Variants in SPTLC1 observed in about 807,000 individuals in gnomAD.
SPTLC1 encodes serine palmitoyltransferase 1.
SPTLC1 carries 55 observed loss-of-function variants against 68.9 expected under a neutral mutation model. That is an observed-to-expected ratio of 0.80 (90% CI 0.64 to 1.00). The LOEUF (loss-of-function observed/expected upper bound fraction) is 1.00. Among genes scored for constraint, SPTLC1 ranks in the 50% least tolerant of loss-of-function variants. The pLI, the probability that SPTLC1 is intolerant of heterozygous loss-of-function variation, is 0.00. For synonymous variants in SPTLC1, 197 were observed against 201.6 expected (o/e 0.98, Z 0.19); for missense variants, 449 against 573.1 (o/e 0.78, Z 2.21).
At chr9:92,048,380 A>G (rs111732849) in intron 9 of SPTLC1, among the ~76,000 whole-genome samples, 15 of 152,368 alleles carry the variant, frequency 9.8e-5, no homozygotes, top group African/African-American at 3.4e-4. Flanking sequence ...TGGCCATGTT[A>G]ATGGATTGTC....
chr9:92,056,160 T>C (rs554843612), intron 7 of SPTLC1, among the ~76,000 whole-genome samples: 4 of 152,318 alleles, frequency 2.6e-5, no homozygotes, highest in Admixed American at 6.5e-5. Flanking sequence ...TCCCCACTGA[T>C]GTATTATCGG....
Position 92,079,526 on chromosome 9 carries a change from T to C in SPTLC1, c.427+490A>G, listed in dbSNP as rs1268632929. 2.5e-6 allele frequency: 4 copies of C among 1,613,828 alleles called. No homozygotes were observed. In the African/African-American group the frequency reaches 4.0e-5, roughly 16 times the overall value. On this transcript the variant is annotated intron_variant, in intron 5 of 14. Transcript: ENST00000262554. Reference sequence around the variant, plus strand: ...AATATTTAGTTGGCCTGTTCCCGGATTATCCATACACAAGGAAATCAATGA... The same window carrying C: ...AATATTTAGTTGGCCTGTTCCCGGACTATCCATACACAAGGAAATCAATGA...
Position 92,047,226 on chromosome 9 carries a change from G to A in SPTLC1, c.1027C>T (p.Pro343Ser). The A allele has an allele frequency of 6.2e-7, 1 of 1,614,128 alleles. No individual in the cohort carries two copies. Among genetic ancestry groups the A allele is most frequent in the Non-Finnish European group, 8.5e-7 (1 of 1,179,996 alleles). Reference sequence around the variant, plus strand: ...TCAATTGCTGCAGCAGCTAACAGGGGAGGTAACGAAGCTGAAAAGCAGTAT... The same window carrying A: ...TCAATTGCTGCAGCAGCTAACAGGGAAGGTAACGAAGCTGAAAAGCAGTAT... ...QGYCFSASLP[P>S]LLAAAAIEAL... is the part of the protein sequence containing the mutation. Residue 343 changes from proline (P) to serine (S), a missense_variant, in exon 11 of 15, where the codon CCC (proline) becomes TCC (serine). Pro to Ser is a moderately conservative substitution (Grantham distance 74, BLOSUM62 -1). Around this residue, in one of 3 missense-constraint regions of SPTLC1, gnomAD observed 391 missense variants for 472.1 expected, o/e 0.83. Transcript: ENST00000262554.
At chr9:92,045,423 C>G (rs1348634261) in intron 12 of SPTLC1, among the ~76,000 whole-genome samples, 2 of 144,668 alleles carry the variant, frequency 1.4e-5, no homozygotes, top group African/African-American at 2.6e-5. Context: ...GTGCAGCACA[C>G]CAGCATGGCA....
chr9:92,038,467 A>G, intron 12 of SPTLC1, 102 bp from the exon 13 acceptor site: 1 of 830,874 alleles, frequency 1.2e-6, no homozygotes, highest in East Asian at 2.4e-5. Context: ...GGCACAGTGA[A>G]CGTACAGAAG....
At chr9:92,053,705 G>T (rs1264234624) in intron 8 of SPTLC1, among the ~76,000 whole-genome samples, 1 of 152,214 alleles carries the variant, frequency 6.6e-6, no homozygotes, top group Non-Finnish European at 1.5e-5. Context: ...GAAATAACCA[G>T]AAAAGGTAAA....
chr9:92,094,226 C>T (rs541543356), intron 3 of SPTLC1, among the ~76,000 whole-genome samples: 209 of 152,198 alleles, frequency 1.4e-3, no homozygotes, highest in African/African-American at 4.8e-3. Context: ...AGTTAACAGA[C>T]GGGTGATAGA....
At chr9:92,069,900 A>G (rs2118610240) in intron 5 of SPTLC1, among the ~76,000 whole-genome samples, 1 of 152,372 alleles carries the variant, frequency 6.6e-6, no homozygotes, top group East Asian at 1.9e-4. Context: ...AAGGGATTTT[A>G]AATCATTCTG....
intron 8 of SPTLC1, 156 bp from the exon 9 acceptor site, chr9:92,050,223 A>G: frequency 1.6e-6 from 1 of 620,688 alleles, no homozygotes. Context: ...CTTATTTGCA[A>G]CCTCCATATC....
chr9:92,040,773 A>G (rs987535329), intron 12 of SPTLC1, among the ~76,000 whole-genome samples: 8 of 152,084 alleles, frequency 5.3e-5, no homozygotes, highest in Admixed American at 1.3e-4. Context: ...AAAAAAAAAA[A>G]AAAAGAAAAG....
chr9:92,094,190 G>A (rs543224003), intron 3 of SPTLC1, among the ~76,000 whole-genome samples: 1 of 152,232 alleles, frequency 6.6e-6, no homozygotes, highest in East Asian at 1.9e-4. Flanking sequence ...TAAGAAATTT[G>A]GTTCAACGAA....
At chr9:92,040,847 A>G (rs1243013251) in intron 12 of SPTLC1, among the ~76,000 whole-genome samples, 3 of 152,156 alleles carry the variant, frequency 2.0e-5, no homozygotes, top group Non-Finnish European at 4.4e-5. Context: ...CTCATTTCAC[A>G]TGCTAGTGAG....
In SPTLC1 at chr9:92,115,401, A is replaced by C; in HGVS notation, c.-31T>G. The C allele has an allele frequency of 1.2e-6, 2 of 1,611,448 alleles. No homozygotes were observed. The highest frequency in any genetic ancestry group is 1.7e-6 in the Non-Finnish European group (2 of 1,178,410). On this transcript the variant is annotated 5_prime_UTR_variant, in exon 1 of 15. Transcript: ENST00000262554. The stretch of plus-strand genomic sequence containing the variant: ...GCCGCTTCCTTCCGGAAGGCGGGTC[A>C]CAAGCGCGTCCCAAAAGTGCGCGTC...
At chr9:92,054,046 C>T (rs923624445) in intron 8 of SPTLC1, 1 of 766,590 alleles carries the variant, frequency 1.3e-6, no homozygotes, top group Admixed American at 6.2e-5. Flanking sequence ...CTTTGGGAGG[C>T]CAAGGAGGGT....
chr9:92,103,293 A>C (rs1835824393), intron 3 of SPTLC1, among the ~76,000 whole-genome samples: 1 of 152,228 alleles, frequency 6.6e-6, no homozygotes, highest in Non-Finnish European at 1.5e-5. Flanking sequence ...TTCCTGCCCT[A>C]CATCTTTGTA....
intron 1 of SPTLC1, among the ~76,000 whole-genome samples, chr9:92,114,771 ACTAAACTAGTTGTAT>A (rs1259625337): frequency 6.6e-6 from 1 of 151,882 alleles, no homozygotes; most frequent in Non-Finnish European, 1.5e-5. Flanking sequence ...ATAAAAATCG[ACTAAACTAGTTGTAT>A]CTTTATAAGA....
intron 11 of SPTLC1, chr9:92,046,286 C>A (rs1833512068): frequency 3.6e-6 from 2 of 563,044 alleles, no homozygotes; most frequent in Admixed American, 3.1e-5. Context: ...TGGAATGATG[C>A]TTTCAAGAAC....
intron 8 of SPTLC1, chr9:92,050,952 A>G (rs565675020): frequency 1.0e-6 from 1 of 981,964 alleles, no homozygotes; most frequent in African/African-American, 1.8e-5. Flanking sequence ...TGTTGGGATT[A>G]AAGGTGTGAG....
intron 12 of SPTLC1, among the ~76,000 whole-genome samples, chr9:92,040,560 C>A (rs1833309249): frequency 6.6e-6 from 1 of 151,842 alleles, no homozygotes; most frequent in Admixed American, 6.6e-5. Flanking sequence ...GAGTTCAAGA[C>A]CAGCCTGACC....
Sources: gnomAD v4.1 joint callset for allele counts (sites outside exome capture counted in the v4.1 genomes callset) on GRCh38, gnomAD v4.1.1 for gene constraint, gnomAD v4.1.1 regional missense constraint, MANE v1.5 for transcripts, NCBI Gene and HGNC (gene_info 2026-07-23, HGNC 2026-07-21) for gene names.